MACROD2: variants seen among roughly 807,000 people sequenced by gnomAD.
The protein encoded by MACROD2 is mono-ADP ribosylhydrolase 2.
A neutral mutation model predicts 70.4 loss-of-function variants in MACROD2; 36 were observed. That is an observed-to-expected ratio of 0.51 (90% CI 0.39 to 0.68). The LOEUF (loss-of-function observed/expected upper bound fraction) is 0.68, where lower values mean the gene tolerates loss of function less well. Among genes scored for constraint, MACROD2 ranks in the 30% least tolerant of loss-of-function variants. MACROD2 has a pLI of 0.00. For missense variants in MACROD2, 496 were observed against 538.4 expected (o/e 0.92, Z 0.78); for synonymous variants, 172 against 178.8 (o/e 0.96, Z 0.30).
At chr20:14,069,098 G>A (rs755343681) in intron 2 of MACROD2, among the ~76,000 whole-genome samples, 11 of 151,992 alleles carry the variant, frequency 7.2e-5, no homozygotes, top group Admixed American at 3.3e-4. Context: ...ACAGGCCCCC[G>A]CCATCGTGCT....
chr20:15,211,825 T>C (rs937900482), intron 5 of MACROD2, among the ~76,000 whole-genome samples: 2 of 152,196 alleles, frequency 1.3e-5, no homozygotes, highest in South Asian at 4.1e-4. Flanking sequence ...AAAACAGCTA[T>C]GAATATTTGC....
intron 9 of MACROD2, among the ~76,000 whole-genome samples, chr20:15,867,040 G>A (rs1359770238): frequency 1.3e-5 from 2 of 152,180 alleles, no homozygotes; most frequent in Non-Finnish European, 2.9e-5. Flanking sequence ...GCCAAGTGGA[G>A]GCAAGATTAA....
chr20:14,844,947 C>T (rs1179931561), intron 5 of MACROD2, among the ~76,000 whole-genome samples: 2 of 152,066 alleles, frequency 1.3e-5, no homozygotes, highest in East Asian at 1.9e-4. Context: ...TTCTTAGACA[C>T]AGTCTACCTC....
intron 7 of MACROD2, among the ~76,000 whole-genome samples, chr20:15,483,523 A>G (rs944815936): frequency 6.6e-6 from 1 of 152,106 alleles, no homozygotes. Context: ...TGTGTTGGCT[A>G]TTCTGGGGCT....
At chr20:15,314,315 G>A (rs1568715190) in intron 6 of MACROD2, among the ~76,000 whole-genome samples, 1 of 152,180 alleles carries the variant, frequency 6.6e-6, no homozygotes, top group African/African-American at 2.4e-5. Context: ...GAGCGGACAG[G>A]CACAGTGGCT....
At chr20:14,620,218 C>T (rs1983751555) in intron 4 of MACROD2, among the ~76,000 whole-genome samples, 1 of 152,014 alleles carries the variant, frequency 6.6e-6, no homozygotes, top group South Asian at 2.1e-4. Context: ...CATGTTGAAG[C>T]TTCAAAATCT....
At position 14,553,408 on chromosome 20, in the gene MACROD2, C is replaced by CTTT. The variant is rs34162149; in HGVS notation, c.301+59918_301+59920dup. On this transcript the variant is annotated intron_variant, in intron 4 of 17. Transcript: ENST00000684519. ...CTGCCTGAGGCTGTTTTCTAGTTAA[C>CTTT]TTTTTTTTTTTTTTTTTTTTAGTAA... Among the ~76,000 whole-genome samples the CTTT allele has an allele frequency of 6.6e-3, 845 of 127,834 alleles. 7 individuals carry two copies. Among genetic ancestry groups the CTTT allele is most frequent in the Admixed American group, 9.9e-3 (122 of 12,382 alleles). The allele number at this position is 127,834 out of a possible 152,430, so 83.9% of individuals were successfully genotyped here.
chr20:16,033,153 C>A (rs2067177819), intron 15 of MACROD2, among the ~76,000 whole-genome samples: 1 of 151,914 alleles, frequency 6.6e-6, no homozygotes, highest in Non-Finnish European at 1.5e-5. Context: ...AAGACTGGAC[C>A]AATTTACCTA....
At chr20:15,684,938 T>G (rs2050207063) in intron 8 of MACROD2, among the ~76,000 whole-genome samples, 1 of 152,174 alleles carries the variant, frequency 6.6e-6, no homozygotes, top group Non-Finnish European at 1.5e-5. Flanking sequence ...ACTCAAATCC[T>G]TTGGGACACT....
chr20:15,813,030 T>C (rs2063836367), intron 8 of MACROD2, among the ~76,000 whole-genome samples: 1 of 152,182 alleles, frequency 6.6e-6, no homozygotes, highest in Non-Finnish European at 1.5e-5. Flanking sequence ...ATAGGGCTGA[T>C]TCCCCCCTTA....
In MACROD2 at chr20:16,050,163, G is replaced by A. The variant is rs1012150840; in HGVS notation, c.*287G>A. ...CTTTTCTCTTACAACTTTGCCCCAG[G>A]GTCACAGTGGCTTGATTGAACACTC... On this transcript the variant is annotated 3_prime_UTR_variant, in exon 18 of 18. Coordinates refer to ENST00000684519, the MANE Select transcript of MACROD2 (RefSeq NM_001351661.2). 1.4e-5 allele frequency: 4 copies of A among 285,976 alleles called. No homozygotes were observed. In the Admixed American group the frequency reaches 2.0e-4, roughly 14 times the overall value. The allele number at this position is 285,976 out of a possible 1,614,324, so 17.7% of individuals were successfully genotyped here.
chr20:14,835,217 A>T (rs1021999257), intron 5 of MACROD2, among the ~76,000 whole-genome samples: 6 of 152,020 alleles, frequency 3.9e-5, no homozygotes, highest in Non-Finnish European at 7.4e-5. Flanking sequence ...ATGGGGGAAA[A>T]GTCAACCTCC....
At chr20:15,659,206 T>C (rs111337955) in intron 8 of MACROD2, among the ~76,000 whole-genome samples, 6 of 152,090 alleles carry the variant, frequency 3.9e-5, no homozygotes, top group Non-Finnish European at 8.8e-5. Flanking sequence ...TGTAGGTATA[T>C]GATACCTTGG....
intron 2 of MACROD2, among the ~76,000 whole-genome samples, chr20:14,018,633 T>C (rs1260563255): frequency 6.6e-6 from 1 of 152,216 alleles, no homozygotes; most frequent in African/African-American, 2.4e-5. Flanking sequence ...TCATTTTGGT[T>C]ATTCTTTTTA....
chr20:15,682,190 G>A (rs2050169246), intron 8 of MACROD2, among the ~76,000 whole-genome samples: 1 of 152,162 alleles, frequency 6.6e-6, no homozygotes, highest in African/African-American at 2.4e-5. Context: ...TAGTTCAGGG[G>A]CAGAGCTAAG....
chr20:15,826,857 T>G (rs2064002635), intron 8 of MACROD2, among the ~76,000 whole-genome samples: 2 of 152,190 alleles, frequency 1.3e-5, no homozygotes, highest in African/African-American at 4.8e-5. Flanking sequence ...TCTCAGCATT[T>G]TTAATAACAA....
chr20:15,181,604 A>G (rs576204787), intron 5 of MACROD2, among the ~76,000 whole-genome samples: 26 of 152,114 alleles, frequency 1.7e-4, no homozygotes, highest in African/African-American at 6.3e-4. Context: ...TTTTTTGCTA[A>G]TTCTAAGACC....
chr20:15,768,595 A>G (rs2051567813), intron 8 of MACROD2, among the ~76,000 whole-genome samples: 1 of 152,188 alleles, frequency 6.6e-6, no homozygotes, highest in African/African-American at 2.4e-5. Flanking sequence ...CACTTAGGCT[A>G]CACTAAATTT....
At position 14,124,468 on chromosome 20, in the gene MACROD2, G is replaced by A. The variant is rs180853242; in HGVS notation, c.271+38740G>A. On this transcript the variant is annotated intron_variant, in intron 3 of 17. Transcript: ENST00000684519. Reference sequence around the variant, plus strand: ...AACCCTAGCCTTATTCCTCTTCCTAGTGGATATTGTTTTATTTAAACATTT... The same window carrying A: ...AACCCTAGCCTTATTCCTCTTCCTAATGGATATTGTTTTATTTAAACATTT... Among the ~76,000 whole-genome samples, 10 of 152,252 alleles carry A rather than the reference G, an allele frequency of 6.6e-5. No homozygotes were observed. In the East Asian group the frequency reaches 1.9e-3, roughly 29 times the overall value.
Sources: allele counts gnomAD v4.1 joint callset (sites outside exome capture counted in the v4.1 genomes callset), GRCh38; gene constraint gnomAD v4.1.1; transcripts MANE v1.5; gene names NCBI Gene and HGNC (gene_info 2026-07-23, HGNC 2026-07-21).